Variants in SAMD4A observed in about 807,000 individuals in gnomAD.
SAMD4A encodes the protein sterile alpha motif domain containing 4A.
A neutral mutation model predicts 81.3 loss-of-function variants in SAMD4A; 33 were observed. The observed-to-expected ratio is 0.41, with a 90% confidence interval of 0.31 to 0.54. The LOEUF (loss-of-function observed/expected upper bound fraction) is 0.54, where lower values mean the gene tolerates loss of function less well. Ranked by LOEUF, SAMD4A falls within the 20% of genes least tolerant of loss-of-function variation. The pLI, the probability that SAMD4A is intolerant of heterozygous loss-of-function variation, is 0.37. For synonymous variants in SAMD4A, 389 were observed against 382.1 expected, an observed-to-expected ratio of 1.02 and a Z score of -0.21; for missense variants, 854 against 951.1, an observed-to-expected ratio of 0.90 and a Z score of 1.34.
chr14:54,651,859 A>G (rs2140426126), intron 2 of SAMD4A, among the ~76,000 whole-genome samples: 1 of 152,318 alleles, frequency 6.6e-6, no homozygotes, highest in Middle Eastern at 3.4e-3. Flanking sequence ...CATGACTCTT[A>G]TATAGACATC....
intron 2 of SAMD4A, among the ~76,000 whole-genome samples, chr14:54,667,608 CTCT>C (rs2035783573): frequency 1.3e-5 from 2 of 152,224 alleles, no homozygotes; most frequent in Admixed American, 6.5e-5. Flanking sequence ...TCACCAGCCT[CTCT>C]GTTGCCTTCT....
intron 3 of SAMD4A, among the ~76,000 whole-genome samples, chr14:54,729,593 G>A (rs1488852966): frequency 6.6e-6 from 1 of 152,142 alleles, no homozygotes; most frequent in Non-Finnish European, 1.5e-5. Flanking sequence ...ATTTTATGTG[G>A]ATAGAAATTC....
At chr14:54,687,632 G>A (rs759328830) in intron 2 of SAMD4A, among the ~76,000 whole-genome samples, 1 of 152,104 alleles carries the variant, frequency 6.6e-6, no homozygotes, top group Non-Finnish European at 1.5e-5. Flanking sequence ...TTCTATAAAA[G>A]GCAGCCAGGT....
rs528043004 is a variant in SAMD4A, at chr14:54,580,816, A to G, written c.196+12704A>G. Among the ~76,000 whole-genome samples the G allele has an allele frequency of 5.3e-5, 8 of 152,366 alleles. No homozygotes were observed. In the East Asian group the frequency reaches 1.5e-3, roughly 29 times the overall value. On this transcript the variant is annotated intron_variant, in intron 2 of 12. Coordinates refer to ENST00000554335, the MANE Select transcript of SAMD4A (RefSeq NM_015589.6). ...TCCTCCAGTGCCTAATAGTGTGTCT[A>G]GCACATAGGTGATCTCAGAACGTTT...
At chr14:54,724,385 T>C (rs543153549) in intron 3 of SAMD4A, among the ~76,000 whole-genome samples, 1 of 152,340 alleles carries the variant, frequency 6.6e-6, no homozygotes, top group Admixed American at 6.5e-5. Flanking sequence ...GCTTGCTATC[T>C]GTGAAATGGG....
intron 3 of SAMD4A, among the ~76,000 whole-genome samples, chr14:54,711,504 C>A (rs906415502): frequency 6.6e-6 from 1 of 152,120 alleles, no homozygotes; most frequent in Non-Finnish European, 1.5e-5. Context: ...ACTATTGATA[C>A]GTAAGATGTC....
intron 3 of SAMD4A, among the ~76,000 whole-genome samples, chr14:54,730,416 G>A (rs1456266717): frequency 6.6e-6 from 1 of 152,232 alleles, no homozygotes; most frequent in Admixed American, 6.5e-5. Flanking sequence ...CCGAAAGTGT[G>A]TGGCTTCCTC....
rs2034768169 is a variant in SAMD4A, at chr14:54,626,507, G to T, written c.196+58395G>T. Among the ~76,000 whole-genome samples, 4 of 152,288 alleles carry T rather than the reference G, an allele frequency of 2.6e-5. No homozygotes were observed. In the South Asian group the frequency reaches 8.3e-4, roughly 32 times the overall value. On this transcript the variant is annotated intron_variant, in intron 2 of 12. Transcript: ENST00000554335. Reference sequence around the variant, plus strand: ...GGAAGGGAGAGTGGCTTTGCCCACAGGTGTTCGGTACCTTGTGGATACGTT... The same window carrying T: ...GGAAGGGAGAGTGGCTTTGCCCACATGTGTTCGGTACCTTGTGGATACGTT...
At chr14:54,645,150 G>C (rs765041146) in intron 2 of SAMD4A, among the ~76,000 whole-genome samples, 1 of 152,058 alleles carries the variant, frequency 6.6e-6, no homozygotes, top group Non-Finnish European at 1.5e-5. Flanking sequence ...AATTTGAATA[G>C]GACCCAAGGA....
intron 2 of SAMD4A, among the ~76,000 whole-genome samples, chr14:54,590,766 G>C (rs1378066626): frequency 6.6e-6 from 1 of 152,150 alleles, no homozygotes; most frequent in Admixed American, 6.5e-5. Flanking sequence ...CAGACTACCA[G>C]GTAGCATGCT....
At chr14:54,682,494 C>T (rs1266597536) in intron 2 of SAMD4A, among the ~76,000 whole-genome samples, 1 of 152,208 alleles carries the variant, frequency 6.6e-6, no homozygotes, top group Admixed American at 6.5e-5. Flanking sequence ...CCATTGAAGG[C>T]TCATTTTGTG....
At chr14:54,657,167 T>C (rs779449735) in intron 2 of SAMD4A, among the ~76,000 whole-genome samples, 6 of 152,168 alleles carry the variant, frequency 3.9e-5, no homozygotes, top group Non-Finnish European at 7.3e-5. Context: ...AAATTACAGT[T>C]AATATTGGCC....
chr14:54,684,464 T>G (rs1399667340), intron 2 of SAMD4A, among the ~76,000 whole-genome samples: 1 of 152,244 alleles, frequency 6.6e-6, no homozygotes, highest in African/African-American at 2.4e-5. Flanking sequence ...CCAACAGGCC[T>G]GGCTTAGGCT....
chr14:54,597,607 T>TTTG (rs2033946210), intron 2 of SAMD4A, among the ~76,000 whole-genome samples: 2 of 138,222 alleles, frequency 1.4e-5, no homozygotes, highest in Non-Finnish European at 3.2e-5. Context: ...TTTTTTTTTT[T>TTTG]GAGACAGAGT....
At chr14:54,758,319 G>A (rs1013127919) in intron 6 of SAMD4A, among the ~76,000 whole-genome samples, 3 of 152,150 alleles carry the variant, frequency 2.0e-5, no homozygotes, top group Admixed American at 6.5e-5. Flanking sequence ...GTTCTTCGCT[G>A]CCCACAGTTG....
At chr14:54,587,972 T>G (rs113817423) in intron 2 of SAMD4A, among the ~76,000 whole-genome samples, 1 of 152,222 alleles carries the variant, frequency 6.6e-6, no homozygotes, top group Non-Finnish European at 1.5e-5. Context: ...TACCAATTCT[T>G]TGAATGCCTG....
rs138861632 is a variant in SAMD4A, at chr14:54,581,979, T to C, written c.196+13867T>C. ...TTCTTGTCATTGTTCTTTGTTGTTA[T>C]TATTTTAACAAAGCCTCCCTATTTT... On this transcript the variant is annotated intron_variant, in intron 2 of 12. Coordinates refer to ENST00000554335, the MANE Select transcript of SAMD4A (RefSeq NM_015589.6). Among the ~76,000 whole-genome samples, 330 of 152,382 alleles carry C rather than the reference T, an allele frequency of 2.2e-3. 3 individuals are homozygous for C. Among genetic ancestry groups the C allele is most frequent in the African/African-American group, 7.6e-3 (316 of 41,592 alleles).
At chr14:54,617,102 A>G (rs1594739606) in intron 2 of SAMD4A, among the ~76,000 whole-genome samples, 1 of 152,178 alleles carries the variant, frequency 6.6e-6, no homozygotes, top group East Asian at 1.9e-4. Context: ...AGGCTTCAAA[A>G]TTAAATATTT....
chr14:54,679,920 T>C (rs1015060370), intron 2 of SAMD4A, among the ~76,000 whole-genome samples: 1 of 152,242 alleles, frequency 6.6e-6, no homozygotes, highest in Non-Finnish European at 1.5e-5. Flanking sequence ...GGATTCTGTC[T>C]GGGCCTAAGA....
Sources: gnomAD v4.1 joint callset for allele counts (sites outside exome capture counted in the v4.1 genomes callset) on GRCh38, gnomAD v4.1.1 for gene constraint, MANE v1.5 for transcripts, NCBI Gene and HGNC (gene_info 2026-07-23, HGNC 2026-07-21) for gene names.